GPBP1: variants seen among roughly 807,000 people sequenced by gnomAD.
GPBP1 encodes the protein vasculin.
Under a neutral mutation model 56.5 loss-of-function variants are expected in GPBP1, and 13 were observed. The ratio of observed to expected loss-of-function variants is 0.23; its 90% CI spans 0.15 to 0.37. The LOEUF (loss-of-function observed/expected upper bound fraction) is 0.37. Among genes scored for constraint, GPBP1 ranks in the 10% least tolerant of loss-of-function variants. The probability of loss-of-function intolerance (pLI) is 1.00; values close to 1 mark genes in which losing one functional copy is unlikely to be tolerated. For missense variants in GPBP1, 477 were observed against 572.3 expected, an observed-to-expected ratio of 0.83 and a Z score of 1.70; for synonymous variants, 204 against 188.9, an observed-to-expected ratio of 1.08 and a Z score of -0.66.
At chr5:57,217,894 TAA>T (rs1351105167) in intron 3 of GPBP1, among the ~76,000 whole-genome samples, 1 of 152,176 alleles carries the variant, frequency 6.6e-6, no homozygotes, top group African/African-American at 2.4e-5. Context: ...TCACACAGAT[TAA>T]GAGTTTATTT....
chr5:57,203,819 G>C (rs994611415), intron 2 of GPBP1, among the ~76,000 whole-genome samples: 2 of 152,144 alleles, frequency 1.3e-5, no homozygotes, highest in Admixed American at 6.6e-5. Context: ...TCATGTTTCA[G>C]ATCATGTGAT....
intron 2 of GPBP1, among the ~76,000 whole-genome samples, chr5:57,183,913 C>A (rs562403158): frequency 5.9e-5 from 9 of 151,982 alleles, no homozygotes; most frequent in Non-Finnish European, 1.0e-4. Context: ...GTAGCTGGGA[C>A]CACAGGTGAG....
chr5:57,187,842 A>G (rs1187948109), intron 2 of GPBP1, among the ~76,000 whole-genome samples: 2 of 152,014 alleles, frequency 1.3e-5, no homozygotes, highest in African/African-American at 4.8e-5. Flanking sequence ...GAATTGGAGG[A>G]CATAGGTAAG....
At chr5:57,256,895 G>GT (rs1209588232) in intron 10 of GPBP1, among the ~76,000 whole-genome samples, 2 of 151,922 alleles carry the variant, frequency 1.3e-5, no homozygotes, top group East Asian at 1.9e-4. Context: ...GATTTTAGGG[G>GT]TTTTTTTCCC....
intron 6 of GPBP1, chr5:57,237,389 T>C: frequency 2.0e-6 from 1 of 507,968 alleles, no homozygotes. Flanking sequence ...TTAATAATCT[T>C]AGAAATGATT....
At position 57,250,922 on chromosome 5, in the gene GPBP1, C is replaced by CTTTTT; in HGVS notation, c.973-22_973-18dup. ...ATAACTGTATTCTGTAGAACTCATT[C>CTTTTT]TTTTTTTTTTTTTTAACTCTCTAAA... On this transcript the variant is annotated intron_variant, in intron 9 of 11. Transcript: ENST00000506184. The CTTTTT allele has an allele frequency of 6.0e-6, 7 of 1,172,696 alleles. No homozygotes were observed. The Admixed American group carries it at 1.0e-4, about 17-fold the overall frequency. 72.6% of individuals were successfully genotyped at this position (1,172,696 alleles called of 1,614,324 possible). A position where few individuals can be genotyped will look rare whatever the true frequency, so the allele number is the denominator to read the frequency against.
At chr5:57,221,358 C>T in intron 3 of GPBP1, 1 of 1,522,382 alleles carries the variant, frequency 6.6e-7, no homozygotes, top group East Asian at 2.5e-5. Flanking sequence ...TGTGACTGAT[C>T]TTATCATTTG....
At chr5:57,225,573 A>G (rs1319673046) in intron 3 of GPBP1, among the ~76,000 whole-genome samples, 1 of 151,922 alleles carries the variant, frequency 6.6e-6, no homozygotes. Context: ...GACAGATTCT[A>G]CAAAGTAAGA....
At position 57,246,297 on chromosome 5, in the gene GPBP1, C is replaced by T; in HGVS notation, c.479-3C>T. ...GACTCTTGGTCATGCTTTATTTATG[C>T]AGAATATCCTCCGAATCCTAAATCT... is the stretch of plus-strand genomic sequence containing the variant. On this transcript the variant is annotated splice_region_variant and splice_polypyrimidine_tract_variant and intron_variant, in intron 6 of 11. Transcript: ENST00000506184. 2 of 1,605,488 alleles carry T rather than the reference C, an allele frequency of 1.2e-6. No homozygotes were observed. Among genetic ancestry groups the T allele is most frequent in the Non-Finnish European group, 1.7e-6 (2 of 1,175,134 alleles).
intron 2 of GPBP1, among the ~76,000 whole-genome samples, chr5:57,205,162 TTTAC>T (rs1755177863): frequency 6.6e-6 from 1 of 152,200 alleles, no homozygotes; most frequent in Non-Finnish European, 1.5e-5. Context: ...TCTCTATGAA[TTTAC>T]CTCTTATGAA....
chr5:57,219,078 TA>T (rs755517180), intron 3 of GPBP1, among the ~76,000 whole-genome samples: 1 of 151,836 alleles, frequency 6.6e-6, no homozygotes, highest in East Asian at 1.9e-4. Context: ...TCATAGACTG[TA>T]AAAAAGGGAT....
At chr5:57,204,740 T>TA (rs1755158365) in intron 2 of GPBP1, among the ~76,000 whole-genome samples, 1 of 152,210 alleles carries the variant, frequency 6.6e-6, no homozygotes, top group Admixed American at 6.5e-5. Flanking sequence ...TTTGACCTGT[T>TA]ACTGATGTTG....
At chr5:57,205,844 G>A (rs1755210594) in intron 2 of GPBP1, among the ~76,000 whole-genome samples, 1 of 152,106 alleles carries the variant, frequency 6.6e-6, no homozygotes, top group African/African-American at 2.4e-5. Context: ...GCTCACTGCA[G>A]TACCCACCTC....
intron 2 of GPBP1, among the ~76,000 whole-genome samples, chr5:57,193,088 G>A (rs1461378999): frequency 6.6e-6 from 1 of 152,086 alleles, no homozygotes; most frequent in Non-Finnish European, 1.5e-5. Context: ...ACGCCAAGGC[G>A]AGTGGATCAC....
At chr5:57,211,008 G>T (rs1755452758) in intron 2 of GPBP1, among the ~76,000 whole-genome samples, 1 of 152,000 alleles carries the variant, frequency 6.6e-6, no homozygotes, top group African/African-American at 2.4e-5. Flanking sequence ...TTGGTTGGGG[G>T]GACACAGTTC....
At chr5:57,194,067 T>A (rs1013291356) in intron 2 of GPBP1, among the ~76,000 whole-genome samples, 31 of 152,232 alleles carry the variant, frequency 2.0e-4, no homozygotes, top group Non-Finnish European at 2.9e-4. Flanking sequence ...ACAGTCTTTT[T>A]TTACTTAATG....
intron 2 of GPBP1, among the ~76,000 whole-genome samples, chr5:57,187,466 A>G (rs187671609): frequency 1.0e-3 from 153 of 152,260 alleles, no homozygotes; most frequent in African/African-American, 6.0e-4. Flanking sequence ...TTGAGTGCCT[A>G]TGGTATCGTT....
chr5:57,229,972 C>CG, intron 3 of GPBP1, among the ~76,000 whole-genome samples: 3 of 150,782 alleles, frequency 2.0e-5, no homozygotes, highest in African/African-American at 7.4e-5. Context: ...CGTCCCGTCC[C>CG]TTCTCACATG....
chr5:57,232,181 G>A (rs1334630661), intron 5 of GPBP1, among the ~76,000 whole-genome samples: 1 of 152,060 alleles, frequency 6.6e-6, no homozygotes, highest in Non-Finnish European at 1.5e-5. Context: ...ACTACACCTA[G>A]CTCACTATGT....
Sources: allele counts gnomAD v4.1 joint callset (sites outside exome capture counted in the v4.1 genomes callset), GRCh38; gene constraint gnomAD v4.1.1; transcripts MANE v1.5; gene names NCBI Gene and HGNC (gene_info 2026-07-23, HGNC 2026-07-21).